PPP2R2B: variants seen among roughly 807,000 people sequenced by gnomAD.
PPP2R2B encodes the protein serine/threonine-protein phosphatase 2A 55 kDa regulatory subunit B beta isoform.
PPP2R2B carries 5 observed loss-of-function variants against 46.0 expected under a neutral mutation model. That is an observed-to-expected ratio of 0.11 (90% CI 0.06 to 0.23). PPP2R2B has a LOEUF of 0.23. Ranked by LOEUF, PPP2R2B falls within the 10% of genes least tolerant of loss-of-function variation. The pLI, the probability that PPP2R2B is intolerant of heterozygous loss-of-function variation, is 1.00. For synonymous variants in PPP2R2B, 215 were observed against 206.7 expected, an observed-to-expected ratio of 1.04 and a Z score of -0.34; for missense variants, 367 against 575.0, an observed-to-expected ratio of 0.64 and a Z score of 3.70.
Position 146,939,009 on chromosome 5 carries a change from A to T in PPP2R2B, c.79+116656T>A, listed in dbSNP as rs80204737. Among the ~76,000 whole-genome samples the T allele has an allele frequency of 5.6e-4, 85 of 152,050 alleles. 2 individuals carry two copies. The East Asian group carries it at 0.015, about 28-fold the overall frequency. On this transcript the variant is annotated intron_variant, in intron 1 of 8. Coordinates refer to the PPP2R2B transcript ENST00000336640. ...TTGCCCAGGCTGGTCTCGAACTCCT[A>T]AGCTCAGGCAATCAGATATGGGCCT...
intron 1 of PPP2R2B, among the ~76,000 whole-genome samples, chr5:146,966,949 C>T (rs1463536092): frequency 2.6e-5 from 4 of 152,154 alleles, no homozygotes. Context: ...TTTCAACAAG[C>T]ATGGTTCCCC....
At chr5:147,031,369 A>G (rs1289508798) in intron 1 of PPP2R2B, among the ~76,000 whole-genome samples, 2 of 152,176 alleles carry the variant, frequency 1.3e-5, no homozygotes, top group Non-Finnish European at 2.9e-5. Context: ...ATTTCATTTA[A>G]AATTCAGCTG....
chr5:146,652,544 C>T (rs958008766), intron 5 of PPP2R2B, among the ~76,000 whole-genome samples: 3 of 152,008 alleles, frequency 2.0e-5, no homozygotes, highest in Admixed American at 6.6e-5. Flanking sequence ...AAGAGGCTTC[C>T]CTGAGAATGT....
intron 7 of PPP2R2B, among the ~76,000 whole-genome samples, chr5:146,606,142 G>T (rs949500468): frequency 1.2e-4 from 19 of 152,178 alleles, no homozygotes; most frequent in African/African-American, 4.6e-4. Flanking sequence ...TGGAGCAAGG[G>T]CAGAAAGGAG....
chr5:146,680,123 T>C (rs1055850742), intron 5 of PPP2R2B, among the ~76,000 whole-genome samples: 22 of 151,554 alleles, frequency 1.5e-4, no homozygotes, highest in Non-Finnish European at 2.4e-4. Flanking sequence ...TTATTCACGA[T>C]AGCAAAGACT....
At chr5:146,906,666 A>G (rs79819475) in intron 1 of PPP2R2B, among the ~76,000 whole-genome samples, 3,073 of 152,256 alleles carry the variant, frequency 0.02, 115 homozygotes, top group African/African-American at 0.071. Context: ...ATGCATCATC[A>G]TATTTATGGG....
At chr5:146,868,004 C>A (rs1339358441) in intron 2 of PPP2R2B, among the ~76,000 whole-genome samples, 1 of 152,208 alleles carries the variant, frequency 6.6e-6, no homozygotes, top group African/African-American at 2.4e-5. Flanking sequence ...TTCTATTGTG[C>A]CTGTCAGATC....
chr5:146,942,764 G>A (rs1764361011), intron 1 of PPP2R2B, among the ~76,000 whole-genome samples: 1 of 150,738 alleles, frequency 6.6e-6, no homozygotes, highest in African/African-American at 2.4e-5. Flanking sequence ...CTAAATCATG[G>A]CATTTCTTTA....
intron 1 of PPP2R2B, among the ~76,000 whole-genome samples, chr5:146,930,989 G>A (rs1763950016): frequency 6.6e-6 from 1 of 152,096 alleles, no homozygotes; most frequent in Non-Finnish European, 1.5e-5. Context: ...CACGTGTCCA[G>A]TGAATGTAAA....
chr5:146,609,178 A>C (rs1265209709), intron 7 of PPP2R2B, among the ~76,000 whole-genome samples: 1 of 152,186 alleles, frequency 6.6e-6, no homozygotes, highest in Middle Eastern at 3.2e-3. Context: ...CCCTCAAAAA[A>C]CTGGATATAG....
At chr5:146,898,160 G>A (rs1448701221) in intron 1 of PPP2R2B, among the ~76,000 whole-genome samples, 12 of 152,150 alleles carry the variant, frequency 7.9e-5, no homozygotes, top group Admixed American at 7.9e-4. Flanking sequence ...ATTCCAGCCT[G>A]GGCGACAAGA....
At chr5:146,919,993 A>G (rs1187088193) in intron 1 of PPP2R2B, among the ~76,000 whole-genome samples, 1 of 152,160 alleles carries the variant, frequency 6.6e-6, no homozygotes, top group Non-Finnish European at 1.5e-5. Flanking sequence ...TTAATCATGA[A>G]TTTGCTCATC....
At position 146,618,703 on chromosome 5, in the gene PPP2R2B, C is replaced by T. The variant is rs555980149; in HGVS notation, c.791-18243G>A. 4.6e-5 allele frequency among the ~76,000 whole-genome samples: 7 copies of T among 152,232 alleles called. 1 individual carries two copies. The East Asian group carries it at 1.4e-3, about 29-fold the overall frequency. ...GCTTCTGGGCAGAGGCCATGAGAGG[C>T]TCACTGTCCAAGGGAGCTGGTGAAC... is the stretch of plus-strand genomic sequence containing the variant. On this transcript the variant is annotated intron_variant, in intron 7 of 9. Transcript: ENST00000394411.
At chr5:146,779,433 T>G (rs1014191620) in intron 2 of PPP2R2B, among the ~76,000 whole-genome samples, 8 of 152,102 alleles carry the variant, frequency 5.3e-5, no homozygotes, top group Admixed American at 3.9e-4. Flanking sequence ...AGCCTTGACA[T>G]CCCACACTGC....
intron 2 of PPP2R2B, among the ~76,000 whole-genome samples, chr5:146,717,151 G>T (rs1202216370): frequency 6.6e-6 from 1 of 152,126 alleles, no homozygotes; most frequent in Non-Finnish European, 1.5e-5. Context: ...ATTGTTCATT[G>T]CTATAGGCTT....
At chr5:147,005,561 G>A (rs1754397628) in intron 1 of PPP2R2B, among the ~76,000 whole-genome samples, 1 of 152,184 alleles carries the variant, frequency 6.6e-6, no homozygotes, top group Admixed American at 6.5e-5. Flanking sequence ...ACCCAAGGAG[G>A]TGGCAGTCTT....
chr5:146,809,778 T>A (rs1757412670), intron 2 of PPP2R2B, among the ~76,000 whole-genome samples: 1 of 152,138 alleles, frequency 6.6e-6, no homozygotes, highest in African/African-American at 2.4e-5. Flanking sequence ...TTTTAGAAGA[T>A]CACTCTAGCT....
intron 1 of PPP2R2B, among the ~76,000 whole-genome samples, chr5:147,005,184 C>T (rs1754378443): frequency 6.6e-6 from 1 of 152,178 alleles, no homozygotes; most frequent in Non-Finnish European, 1.5e-5. Flanking sequence ...CAGACTCATG[C>T]TGCCGGATAT....
chr5:146,811,670 C>T (rs1757555542), intron 2 of PPP2R2B, among the ~76,000 whole-genome samples: 1 of 149,924 alleles, frequency 6.7e-6, no homozygotes, highest in Admixed American at 6.7e-5. Context: ...AAGCAGTTCT[C>T]CTGCCTCAGC....
Sources: gnomAD v4.1 joint callset for allele counts (sites outside exome capture counted in the v4.1 genomes callset) on GRCh38, gnomAD v4.1.1 for gene constraint, MANE v1.5 for transcripts, NCBI Gene and HGNC (gene_info 2026-07-23, HGNC 2026-07-21) for gene names.